ANXA10: variants seen among roughly 807,000 people sequenced by gnomAD.
The protein encoded by ANXA10 is annexin A10, also known as annexin 14.
ANXA10 carries 49 observed loss-of-function variants against 53.5 expected under a neutral mutation model. The ratio of observed to expected loss-of-function variants is 0.92; its 90% CI spans 0.73 to 1.16. The LOEUF is 1.16. Among genes scored for constraint, ANXA10 ranks in the 50% most tolerant of loss-of-function variants. The pLI is 0.00. For missense variants in ANXA10, 393 were observed against 394.4 expected, an observed-to-expected ratio of 1.00 and a Z score of 0.03; for synonymous variants, 131 against 128.9, an observed-to-expected ratio of 1.02 and a Z score of -0.11.
intron 2 of ANXA10, among the ~76,000 whole-genome samples, chr4:168,138,788 C>A (rs1560969009): frequency 6.6e-6 from 1 of 151,966 alleles, no homozygotes; most frequent in Admixed American, 6.6e-5. Flanking sequence ...TTGTAGTTAC[C>A]CTTACAGAGA....
At chr4:168,097,491 T>A (rs1424774350) in intron 1 of ANXA10, among the ~76,000 whole-genome samples, 1 of 152,042 alleles carries the variant, frequency 6.6e-6, no homozygotes, top group Non-Finnish European at 1.5e-5. Flanking sequence ...TTTTCTGAAT[T>A]TATGTCTCAA....
intron 1 of ANXA10, among the ~76,000 whole-genome samples, chr4:168,122,724 G>A (rs2149468711): frequency 6.6e-6 from 1 of 152,192 alleles, no homozygotes; most frequent in East Asian, 1.9e-4. Flanking sequence ...CGGGCAGGTT[G>A]TCACACACTT....
intron 1 of ANXA10, among the ~76,000 whole-genome samples, chr4:168,126,255 C>G (rs1483268673): frequency 2.0e-5 from 3 of 151,968 alleles, no homozygotes; most frequent in Non-Finnish European, 4.4e-5. Flanking sequence ...AAATGTGTCT[C>G]AAAAAAATTA....
intron 2 of ANXA10, among the ~76,000 whole-genome samples, chr4:168,135,564 T>C (rs188828380): frequency 1.9e-3 from 290 of 152,350 alleles, no homozygotes; most frequent in African/African-American, 6.8e-3. Context: ...GACTCTACTA[T>C]GACTGCAAAA....
At chr4:168,175,318 T>C (rs1732105813) in intron 6 of ANXA10, among the ~76,000 whole-genome samples, 1 of 152,160 alleles carries the variant, frequency 6.6e-6, no homozygotes, top group African/African-American at 2.4e-5. Context: ...TCACAGAAGA[T>C]ATAGCATATT....
Position 168,139,517 on chromosome 4 carries a change from G to T in ANXA10, c.132G>T (p.Leu44=). The T allele has an allele frequency of 6.2e-7, 1 of 1,612,904 alleles. No individual in the cohort carries two copies. The highest frequency in any genetic ancestry group is 1.1e-5 in the South Asian group (1 of 90,986). The part of the protein sequence containing the change: ...DCDKDMLINI[L]TQRCNAQRMM... ...ACAAAGACATGCTGATCAACATTCT[G>T]ACTCAGCGCTGCAATGCACAAAGGA... The change falls in exon 3 of 12, where the codon CTG becomes CTT. Residue 44 remains leucine, a synonymous_variant. Coordinates refer to ENST00000359299, the MANE Select transcript of ANXA10 (RefSeq NM_007193.5).
At chr4:168,169,240 T>A (rs1731939429) in intron 6 of ANXA10, among the ~76,000 whole-genome samples, 1 of 152,220 alleles carries the variant, frequency 6.6e-6, no homozygotes, top group Admixed American at 6.5e-5. Flanking sequence ...TAATTTTAAT[T>A]AAAATTTTTT....
At chr4:168,186,736 A>C (rs1397887993) in intron 11 of ANXA10, among the ~76,000 whole-genome samples, 1 of 152,208 alleles carries the variant, frequency 6.6e-6, no homozygotes, top group African/African-American at 2.4e-5. Flanking sequence ...TTCTAAAGCT[A>C]TATAAATAAT....
chr4:168,134,892 A>C (rs553349549), intron 2 of ANXA10, among the ~76,000 whole-genome samples: 45 of 152,316 alleles, frequency 3.0e-4, no homozygotes, highest in Middle Eastern at 6.8e-3. Context: ...CATTTGCTGG[A>C]TATTTCAGCA....
intron 3 of ANXA10, among the ~76,000 whole-genome samples, chr4:168,155,988 TTATAC>T (rs1276912449): frequency 1.0e-4 from 2 of 19,708 alleles, no homozygotes; most frequent in African/African-American, 3.7e-4. Context: ...ATATCATATA[TTATAC>T]ATAATTTATA....
intron 3 of ANXA10, among the ~76,000 whole-genome samples, chr4:168,149,108 G>T (rs1731452910): frequency 6.6e-6 from 1 of 151,554 alleles, no homozygotes. Flanking sequence ...CTTTATTTTT[G>T]GTATTCTATA....
intron 1 of ANXA10, among the ~76,000 whole-genome samples, chr4:168,125,341 A>C (rs1037570558): frequency 6.6e-6 from 1 of 152,176 alleles, no homozygotes; most frequent in Non-Finnish European, 1.5e-5. Flanking sequence ...CTGCACTAAA[A>C]CTAAGCTACT....
chr4:168,172,808 A>G (rs1191756093), intron 6 of ANXA10, among the ~76,000 whole-genome samples: 4 of 101,134 alleles, frequency 4.0e-5, no homozygotes, highest in African/African-American at 1.7e-4. Context: ...TTTTTTTTTG[A>G]GACAGAGTTT....
intron 11 of ANXA10, among the ~76,000 whole-genome samples, chr4:168,186,206 G>C (rs1262739036): frequency 6.6e-6 from 1 of 152,190 alleles, no homozygotes; most frequent in East Asian, 1.9e-4. Context: ...ACCTTAATAT[G>C]AAAGTTGATA....
chr4:168,147,747 C>T (rs1234283351), intron 3 of ANXA10, among the ~76,000 whole-genome samples: 1 of 152,190 alleles, frequency 6.6e-6, no homozygotes, highest in Admixed American at 6.5e-5. Context: ...GTGACATGGA[C>T]ACCTGCATCC....
intron 3 of ANXA10, among the ~76,000 whole-genome samples, chr4:168,156,493 TTTTTG>T (rs938512519): frequency 2.1e-5 from 3 of 140,108 alleles, no homozygotes; most frequent in Admixed American, 1.6e-4. Flanking sequence ...TATTTCTTGT[TTTTTG>T]TTTTGTTTTG....
intron 3 of ANXA10, 104 bp downstream of exon 3, chr4:168,139,684 A>G (rs1377662384): frequency 1.0e-5 from 7 of 699,684 alleles, no homozygotes; most frequent in Non-Finnish European, 1.2e-5. Context: ...GATTGCAAAT[A>G]TCTCAGACAT....
At chr4:168,147,409 T>C (rs1049578271) in intron 3 of ANXA10, among the ~76,000 whole-genome samples, 2 of 152,202 alleles carry the variant, frequency 1.3e-5, no homozygotes, top group African/African-American at 4.8e-5. Context: ...TTTGAGAAGC[T>C]GCTTTCCCTT....
intron 1 of ANXA10, among the ~76,000 whole-genome samples, chr4:168,096,573 G>A (rs115456408): frequency 0.028 from 4,301 of 152,032 alleles, 93 homozygotes; most frequent in African/African-American, 0.055. Flanking sequence ...TCACTGTAGC[G>A]TAGTGGCTAA....
Sources: gnomAD v4.1 joint callset for allele counts (sites outside exome capture counted in the v4.1 genomes callset) on GRCh38, gnomAD v4.1.1 for gene constraint, MANE v1.5 for transcripts, NCBI Gene and HGNC (gene_info 2026-07-23, HGNC 2026-07-21) for gene names.